CASR: variants seen among roughly 807,000 people sequenced by gnomAD.
CASR encodes calcium sensing receptor.
Under a neutral mutation model 69.1 loss-of-function variants are expected in CASR, and 23 were observed. That is an observed-to-expected ratio of 0.33 (90% CI 0.24 to 0.47). CASR has a LOEUF of 0.47. CASR is among the 20% of genes least tolerant of loss of function. The pLI, the probability that CASR is intolerant of heterozygous loss-of-function variation, is 1.00. For synonymous variants in CASR, 541 were observed against 544.7 expected, an observed-to-expected ratio of 0.99 and a Z score of 0.10; for missense variants, 924 against 1,356.1, an observed-to-expected ratio of 0.68 and a Z score of 5.00.
At chr3:122,204,261 C>T (rs1001494531) in intron 1 of CASR, among the ~76,000 whole-genome samples, 4 of 152,136 alleles carry the variant, frequency 2.6e-5, no homozygotes, top group African/African-American at 9.7e-5. Context: ...CCTCTGGTGA[C>T]CACTAGTCTC....
intron 1 of CASR, among the ~76,000 whole-genome samples, chr3:122,230,310 TC>T (rs2074266971): frequency 6.6e-6 from 1 of 152,148 alleles, no homozygotes; most frequent in African/African-American, 2.4e-5. Flanking sequence ...GGGAAAACGC[TC>T]CTTTAGCGCC....
At chr3:122,256,281 A>G (rs2074553345) in intron 2 of CASR, among the ~76,000 whole-genome samples, 2 of 152,176 alleles carry the variant, frequency 1.3e-5, no homozygotes, top group Admixed American at 6.5e-5. Context: ...GTCTAAACAT[A>G]TGACTCTGCA....
intron 1 of CASR, among the ~76,000 whole-genome samples, chr3:122,211,715 C>CA (rs369814755): frequency 4.6e-5 from 7 of 151,710 alleles, no homozygotes; most frequent in Middle Eastern, 3.4e-3. Context: ...CCTCTGCCAC[C>CA]AAAAAATAAA....
At position 122,283,688 on chromosome 3, in the gene CASR, T is replaced by C; in HGVS notation, c.1734T>C (p.Asp578=). 4 of 1,613,574 alleles carry C rather than the reference T, an allele frequency of 2.5e-6. No homozygotes were observed. Among genetic ancestry groups the C allele is most frequent in the Non-Finnish European group, 3.4e-6 (4 of 1,179,476 alleles). The change falls in exon 7 of 7, where the codon GAT becomes GAC. Residue 578 remains aspartate, a splice_region_variant and synonymous_variant. Transcript: ENST00000639785. The part of the protein sequence containing the change: ...CPDGEYSDET[D]ASACNKCPDD... ...ACTCTTCACTGGGACATTTTACAGATGCCAGTGCCTGTAACAAGTGCCCAG... is the reference window on the plus strand; with the variant it reads ...ACTCTTCACTGGGACATTTTACAGACGCCAGTGCCTGTAACAAGTGCCCAG...
chr3:122,249,637 A>G (rs2074463026), intron 1 of CASR, among the ~76,000 whole-genome samples: 2 of 152,254 alleles, frequency 1.3e-5, no homozygotes, highest in East Asian at 3.8e-4. Context: ...TGCACGGATC[A>G]TTTCTTCTTC....
chr3:122,279,132 C>T lies in CASR; in HGVS notation c.1609-2981C>T, dbSNP rs535269276. On this transcript the variant is annotated intron_variant, in intron 5 of 6. Transcript: ENST00000639785. ...CTTCCTCTATCTTGCCTCCTGGAAA[C>T]CAAATGCCACTATCAAGGACTATGA... 2.0e-5 allele frequency among the ~76,000 whole-genome samples: 3 copies of T among 152,238 alleles called. No homozygotes were observed. The South Asian group carries it at 6.2e-4, about 32-fold the overall frequency.
At chr3:122,238,027 C>A (rs977443480) in intron 1 of CASR, among the ~76,000 whole-genome samples, 1 of 152,120 alleles carries the variant, frequency 6.6e-6, no homozygotes, top group Non-Finnish European at 1.5e-5. Flanking sequence ...ACTGATGGCT[C>A]CCCCCTGCAG....
At chr3:122,201,326 T>C (rs2073948764) in intron 1 of CASR, among the ~76,000 whole-genome samples, 1 of 152,230 alleles carries the variant, frequency 6.6e-6, no homozygotes, top group Admixed American at 6.5e-5. Context: ...GGTAAGGTCA[T>C]AGATCAACAG....
chr3:122,200,783 C>T (rs1464018585), intron 1 of CASR, among the ~76,000 whole-genome samples: 1 of 152,066 alleles, frequency 6.6e-6, no homozygotes, highest in East Asian at 1.9e-4. Flanking sequence ...TTAGACAATG[C>T]AAAATGGATT....
chr3:122,222,349 T>A (rs1181499311), intron 1 of CASR, among the ~76,000 whole-genome samples: 1 of 152,098 alleles, frequency 6.6e-6, no homozygotes, highest in African/African-American at 2.4e-5. Context: ...CATGAAAGAT[T>A]CAAGAAGAGG....
intron 1 of CASR, among the ~76,000 whole-genome samples, chr3:122,241,629 T>C (rs1411617643): frequency 1.3e-5 from 2 of 152,004 alleles, no homozygotes; most frequent in Non-Finnish European, 2.9e-5. Flanking sequence ...CTACTCAAAC[T>C]ATTCCAAAAA....
At chr3:122,225,958 C>G (rs993945789) in intron 1 of CASR, among the ~76,000 whole-genome samples, 14 of 152,220 alleles carry the variant, frequency 9.2e-5, no homozygotes, top group Admixed American at 8.5e-4. Flanking sequence ...TTATCCTAAG[C>G]AAACTAATGC....
intron 4 of CASR, among the ~76,000 whole-genome samples, chr3:122,263,422 T>C (rs1462196737): frequency 6.6e-6 from 1 of 152,252 alleles, no homozygotes; most frequent in Non-Finnish European, 1.5e-5. Context: ...ACATGATATA[T>C]GTAAAAGCAA....
At chr3:122,234,928 C>T (rs1019795551) in intron 1 of CASR, among the ~76,000 whole-genome samples, 6 of 152,130 alleles carry the variant, frequency 3.9e-5, no homozygotes, top group Non-Finnish European at 7.3e-5. Context: ...TGGGCAAAGC[C>T]GAAGAAGGCA....
In CASR at chr3:122,202,455, A is replaced by ATGGGGAGAGGGAGAGGGAGACCG. The variant is rs1559936392; in HGVS notation, c.-243+18664_-243+18686dup. Among the ~76,000 whole-genome samples, 57 of 144,750 alleles carry ATGGGGAGAGGGAGAGGGAGACCG rather than the reference A, an allele frequency of 3.9e-4. No individual in the cohort carries two copies. The East Asian group carries it at 4.3e-3, about 11-fold the overall frequency. The allele number at this position is 144,750 out of a possible 152,430, so 95.0% of individuals were successfully genotyped here. Reference sequence around the variant, plus strand: ...GTGGAAAGAGAGGGAGAGGGAGACCATGGGGAGAGGGAGAGGGAGACCGTG... The same window carrying ATGGGGAGAGGGAGAGGGAGACCG: ...GTGGAAAGAGAGGGAGAGGGAGACCATGGGGAGAGGGAGAGGGAGACCGTGGGGAGAGGGAGAGGGAGACCGTG... On this transcript the variant is annotated intron_variant, in intron 1 of 6. Coordinates refer to ENST00000639785, the MANE Select transcript of CASR (RefSeq NM_000388.4).
chr3:122,197,919 A>G (rs2073905809), intron 1 of CASR, among the ~76,000 whole-genome samples: 1 of 152,178 alleles, frequency 6.6e-6, no homozygotes, highest in Non-Finnish European at 1.5e-5. Context: ...TTCAACTGCT[A>G]GTCCTGAGTC....
At chr3:122,250,090 A>G (rs985049404) in intron 1 of CASR, among the ~76,000 whole-genome samples, 2 of 152,198 alleles carry the variant, frequency 1.3e-5, no homozygotes, top group Admixed American at 1.3e-4. Flanking sequence ...AGCTTTTACA[A>G]CATGGAAGGT....
chr3:122,238,728 T>C (rs2074353280), intron 1 of CASR, among the ~76,000 whole-genome samples: 1 of 152,196 alleles, frequency 6.6e-6, no homozygotes, highest in South Asian at 2.1e-4. Context: ...GCACCTTGGA[T>C]ACCAGCTCAG....
At chr3:122,243,623 C>G (rs776243974) in intron 1 of CASR, among the ~76,000 whole-genome samples, 1 of 151,948 alleles carries the variant, frequency 6.6e-6, no homozygotes, top group Admixed American at 6.6e-5. Context: ...GGAGGCCCCT[C>G]AAAAAACTAA....
Sources: allele counts gnomAD v4.1 joint callset (sites outside exome capture counted in the v4.1 genomes callset), GRCh38; gene constraint gnomAD v4.1.1; transcripts MANE v1.5; gene names NCBI Gene and HGNC (gene_info 2026-07-23, HGNC 2026-07-21).